The following EXOC6B variants were observed in gnomAD, a reference collection of about 807,000 sequenced individuals.
EXOC6B encodes SEC15 homolog B.
A neutral mutation model predicts 113.5 loss-of-function variants in EXOC6B; 54 were observed. That is an observed-to-expected ratio of 0.48 (90% CI 0.38 to 0.60). EXOC6B has a LOEUF of 0.60. EXOC6B is among the 20% of genes least tolerant of loss of function. The pLI is 0.00. For synonymous variants in EXOC6B, 357 were observed against 339.0 expected (o/e 1.05, Z -0.58); for missense variants, 797 against 977.5 (o/e 0.82, Z 2.46).
rs570080959 is a variant in EXOC6B at position 72,734,848 on chromosome 2, A to T, written c.280-1730T>A. Reference sequence around the variant, plus strand: ...AGGAAAAACAGATGAAGCCATTTTTAGCCAAGAAAGGGGAAAAATATTCAC... The same window carrying T: ...AGGAAAAACAGATGAAGCCATTTTTTGCCAAGAAAGGGGAAAAATATTCAC... On this transcript the variant is annotated intron_variant, in intron 2 of 21. Transcript: ENST00000272427. Among the ~76,000 whole-genome samples, 8 of 152,332 alleles carry T rather than the reference A, an allele frequency of 5.3e-5. No homozygotes were observed. In the South Asian group the frequency reaches 1.7e-3, roughly 32 times the overall value.
intron 8 of EXOC6B, among the ~76,000 whole-genome samples, chr2:72,539,739 TGTGTGTGTGTGCGCGCGCGCGCGC>T (rs886472937): frequency 4.6e-5 from 7 of 150,572 alleles, no homozygotes; most frequent in Non-Finnish European, 1.0e-4. Context: ...TATGCGTGTG[TGTGTGTGTGTGCGCGCGCGCGCGC>T]GTGTGTGTAG....
Position 72,179,327 on chromosome 2 carries a change from G to T in EXOC6B, c.*8C>A, listed in dbSNP as rs1677938621. ...AGCAGGTCGCCTCTGTGGGTCCGGG[G>T]TCACCCTTCATGAGTGGTGGCTGCT... On this transcript the variant is annotated 3_prime_UTR_variant, in exon 22 of 22. Transcript: ENST00000272427. 1.3e-6 allele frequency: 2 copies of T among 1,598,752 alleles called. No individual in the cohort carries two copies. The highest frequency in any genetic ancestry group is 8.5e-7 in the Non-Finnish European group (1 of 1,171,668).
intron 18 of EXOC6B, among the ~76,000 whole-genome samples, chr2:72,444,097 G>A (rs1164382417): frequency 6.6e-6 from 1 of 152,170 alleles, no homozygotes; most frequent in Non-Finnish European, 1.5e-5. Context: ...ATACAATGGG[G>A]GTATAGGCAT....
At chr2:72,295,811 A>G (rs1490551709) in intron 20 of EXOC6B, among the ~76,000 whole-genome samples, 1 of 152,206 alleles carries the variant, frequency 6.6e-6, no homozygotes, top group African/African-American at 2.4e-5. Flanking sequence ...TTTCTAATAT[A>G]TTTATTTTAT....
At chr2:72,703,640 T>C (rs2104651464) in intron 6 of EXOC6B, among the ~76,000 whole-genome samples, 1 of 27,442 alleles carries the variant, frequency 3.6e-5, no homozygotes, top group East Asian at 7.3e-4. Context: ...GTCCTTCACA[T>C]CCCTTGTAAG....
intron 18 of EXOC6B, among the ~76,000 whole-genome samples, chr2:72,409,275 T>TGGC (rs1694002111): frequency 6.6e-6 from 1 of 152,118 alleles, no homozygotes; most frequent in Non-Finnish European, 1.5e-5. Context: ...GGTGGGACTG[T>TGGC]AAACTAGTTC....
At chr2:72,322,854 GA>G (rs1687913720) in intron 20 of EXOC6B, among the ~76,000 whole-genome samples, 2 of 152,118 alleles carry the variant, frequency 1.3e-5, no homozygotes, top group Admixed American at 1.3e-4. Context: ...CTGGATTAAA[GA>G]CTTAAATGTA....
At chr2:72,349,889 TG>T (rs1233715268) in intron 19 of EXOC6B, among the ~76,000 whole-genome samples, 1 of 152,128 alleles carries the variant, frequency 6.6e-6, no homozygotes, top group Non-Finnish European at 1.5e-5. Flanking sequence ...GAGTCTGAAG[TG>T]GGGCAGTCTT....
At chr2:72,674,947 G>A (rs908791205) in intron 6 of EXOC6B, among the ~76,000 whole-genome samples, 1 of 152,202 alleles carries the variant, frequency 6.6e-6, no homozygotes, top group African/African-American at 2.4e-5. Context: ...AATAATACAT[G>A]TGTGTAACAA....
chr2:72,743,823 T>C (rs114216172), intron 1 of EXOC6B, among the ~76,000 whole-genome samples: 2 of 152,222 alleles, frequency 1.3e-5, no homozygotes, highest in Admixed American at 6.5e-5. Context: ...TGGATCACTA[T>C]GCTGATCCTC....
At chr2:72,643,886 C>G (rs1034976832) in intron 6 of EXOC6B, among the ~76,000 whole-genome samples, 4 of 151,894 alleles carry the variant, frequency 2.6e-5, no homozygotes, top group Non-Finnish European at 5.9e-5. Flanking sequence ...CAGAGCGCCT[C>G]TTCTCCTCCA....
intron 6 of EXOC6B, among the ~76,000 whole-genome samples, chr2:72,604,308 G>T (rs953809299): frequency 6.6e-6 from 1 of 152,064 alleles, no homozygotes; most frequent in Non-Finnish European, 1.5e-5. Flanking sequence ...AGTAAACTCT[G>T]GTTTCAGATT....
At chr2:72,744,098 T>C (rs1221482543) in intron 1 of EXOC6B, among the ~76,000 whole-genome samples, 1 of 152,180 alleles carries the variant, frequency 6.6e-6, no homozygotes, top group South Asian at 2.1e-4. Flanking sequence ...AGCAACATAC[T>C]GTACAGGTTT....
chr2:72,667,279 T>C (rs1443775152), intron 6 of EXOC6B, among the ~76,000 whole-genome samples: 1 of 152,192 alleles, frequency 6.6e-6, no homozygotes, highest in Non-Finnish European at 1.5e-5. Flanking sequence ...AGAATCAATA[T>C]TGTTAACATG....
At chr2:72,710,526 G>C (rs1439900460) in intron 6 of EXOC6B, among the ~76,000 whole-genome samples, 1 of 152,074 alleles carries the variant, frequency 6.6e-6, no homozygotes, top group Non-Finnish European at 1.5e-5. Flanking sequence ...TCAAAATCAA[G>C]AAGAAAAGAG....
chr2:72,657,962 C>T (rs1674716512), intron 6 of EXOC6B, among the ~76,000 whole-genome samples: 1 of 150,188 alleles, frequency 6.7e-6, no homozygotes, highest in South Asian at 2.1e-4. Context: ...TTTTTATTGC[C>T]CAGCTGTTCT....
At position 72,515,032 on chromosome 2, in the gene EXOC6B, G is replaced by T. The variant is rs974493226; in HGVS notation, c.999+11C>A. 99 of 1,593,814 alleles carry T rather than the reference G, an allele frequency of 6.2e-5. No individual in the cohort carries two copies. Among genetic ancestry groups the T allele is most frequent in the Non-Finnish European group, 8.3e-5 (97 of 1,169,132 alleles). ...GTAAAAATGTGAGAAAAGTGAAGATGGTAATCCTACCATGTTAGATGGAGG... is the reference window on the plus strand; with the variant it reads ...GTAAAAATGTGAGAAAAGTGAAGATTGTAATCCTACCATGTTAGATGGAGG... On this transcript the variant is annotated intron_variant, in intron 9 of 21. Coordinates refer to ENST00000272427, the MANE Select transcript of EXOC6B (RefSeq NM_015189.3).
At chr2:72,459,438 T>C (rs1354203925) in intron 18 of EXOC6B, among the ~76,000 whole-genome samples, 2 of 152,180 alleles carry the variant, frequency 1.3e-5, no homozygotes, top group African/African-American at 2.4e-5. Flanking sequence ...GATGACAAGA[T>C]TGTATATCTA....
chr2:72,480,007 A>C (rs1331704929), intron 17 of EXOC6B, among the ~76,000 whole-genome samples: 1 of 152,164 alleles, frequency 6.6e-6, no homozygotes, highest in Non-Finnish European at 1.5e-5. Flanking sequence ...ATTCGAGACC[A>C]GCCTGGGCAA....
Sources: gnomAD v4.1 joint callset for allele counts (sites outside exome capture counted in the v4.1 genomes callset) on GRCh38, gnomAD v4.1.1 for gene constraint, MANE v1.5 for transcripts, NCBI Gene and HGNC (gene_info 2026-07-23, HGNC 2026-07-21) for gene names.